The following NRXN3 variants were observed in gnomAD, a reference collection of about 807,000 sequenced individuals.
NRXN3 encodes neurexin III.
A neutral mutation model predicts 137.6 loss-of-function variants in NRXN3; 32 were observed. The observed-to-expected ratio is 0.23, with a 90% CI of 0.18 to 0.31. The LOEUF (loss-of-function observed/expected upper bound fraction) is 0.31. Ranked by LOEUF, NRXN3 falls within the 10% of genes least tolerant of loss-of-function variation. The pLI, the probability that NRXN3 is intolerant of heterozygous loss-of-function variation, is 1.00. For missense variants in NRXN3, 1,574 were observed against 2,062.5 expected (o/e 0.76, Z 4.59); for synonymous variants, 798 against 784.5 (o/e 1.02, Z -0.29).
intron 8 of NRXN3, among the ~76,000 whole-genome samples, chr14:78,781,806 G>A (rs2098770794): frequency 6.6e-6 from 1 of 152,228 alleles, no homozygotes; most frequent in Admixed American, 6.5e-5. Flanking sequence ...CCAGAGATTG[G>A]CATTTGCCTT....
chr14:79,046,200 C>G (rs1160867301), intron 15 of NRXN3, among the ~76,000 whole-genome samples: 2 of 152,178 alleles, frequency 1.3e-5, no homozygotes, highest in African/African-American at 2.4e-5. Context: ...CTTTCCCCTC[C>G]CCTCCTCTCC....
At chr14:78,595,954 C>T (rs61976085) in intron 4 of NRXN3, among the ~76,000 whole-genome samples, 5,861 of 152,190 alleles carry the variant, frequency 0.039, 132 homozygotes, top group Middle Eastern at 0.071. Context: ...TAGCTGCAGA[C>T]GTTTTTCCTT....
At chr14:78,309,052 G>A (rs1282620518) in intron 4 of NRXN3, among the ~76,000 whole-genome samples, 1 of 152,230 alleles carries the variant, frequency 6.6e-6, no homozygotes, top group East Asian at 1.9e-4. Flanking sequence ...TCAAATAGAG[G>A]CTAATGCCTC....
At chr14:79,589,085 T>C (rs1427576433) in intron 16 of NRXN3, among the ~76,000 whole-genome samples, 2 of 152,044 alleles carry the variant, frequency 1.3e-5, no homozygotes, top group Non-Finnish European at 2.9e-5. Flanking sequence ...CGAAACCCAA[T>C]CTCTACAAAA....
intron 8 of NRXN3, among the ~76,000 whole-genome samples, chr14:78,724,952 C>G (rs989217999): frequency 2.6e-5 from 4 of 152,192 alleles, no homozygotes; most frequent in African/African-American, 7.2e-5. Context: ...CTTCTGTGGG[C>G]TACTGGACAG....
chr14:78,938,727 C>T (rs2099346756), intron 10 of NRXN3, among the ~76,000 whole-genome samples: 1 of 151,826 alleles, frequency 6.6e-6, no homozygotes, highest in African/African-American at 2.4e-5. Flanking sequence ...TTTAAACCTT[C>T]TTTTTGAAAT....
At chr14:78,366,155 A>G (rs564404572) in intron 4 of NRXN3, among the ~76,000 whole-genome samples, 1 of 152,316 alleles carries the variant, frequency 6.6e-6, no homozygotes, top group East Asian at 1.9e-4. Context: ...AACATAAAGT[A>G]CTTAGTACAG....
intron 4 of NRXN3, among the ~76,000 whole-genome samples, chr14:78,587,855 C>T (rs758312369): frequency 3.3e-5 from 5 of 151,978 alleles, no homozygotes; most frequent in African/African-American, 4.8e-5. Flanking sequence ...TTTTTTTCAG[C>T]TTCTTTAAAA....
At position 79,865,707 on chromosome 14, in the gene NRXN3, C is replaced by G. The variant is rs540319719; in HGVS notation, c.*3743C>G. On this transcript the variant is annotated 3_prime_UTR_variant, in exon 21 of 21. Coordinates refer to ENST00000335750, the MANE Select transcript of NRXN3 (RefSeq NM_001330195.2). ...GTGGCATGATATTGGCTCACTGCAA[C>G]CTCTGCCTCTCAACCTCAAACGATT... 1.3e-5 allele frequency: 2 copies of G among 152,262 alleles called. No individual in the cohort carries two copies. Among genetic ancestry groups the G allele is most frequent in the Admixed American group, 1.3e-4 (2 of 15,296 alleles). 9.4% of individuals were successfully genotyped at this position (152,262 alleles called of 1,614,324 possible).
At chr14:78,729,243 T>C (rs965960832) in intron 8 of NRXN3, among the ~76,000 whole-genome samples, 1 of 152,238 alleles carries the variant, frequency 6.6e-6, no homozygotes, top group Non-Finnish European at 1.5e-5. Context: ...GTCGCAATGT[T>C]AGCAAATACT....
intron 16 of NRXN3, among the ~76,000 whole-genome samples, chr14:79,636,352 G>A (rs917534900): frequency 6.6e-6 from 1 of 152,002 alleles, no homozygotes; most frequent in Non-Finnish European, 1.5e-5. Flanking sequence ...GAACATTCAG[G>A]GATTTAATTT....
intron 10 of NRXN3, among the ~76,000 whole-genome samples, chr14:78,859,476 C>T (rs2099066644): frequency 6.6e-6 from 1 of 152,154 alleles, no homozygotes; most frequent in Non-Finnish European, 1.5e-5. Flanking sequence ...TCGCAGTTGA[C>T]CTGTATCTTC....
chr14:78,871,398 G>A (rs546635880), intron 10 of NRXN3, among the ~76,000 whole-genome samples: 1 of 151,986 alleles, frequency 6.6e-6, no homozygotes, highest in Admixed American at 6.6e-5. Flanking sequence ...AAGCCAGATT[G>A]TCATCTTTTC....
intron 15 of NRXN3, among the ~76,000 whole-genome samples, chr14:79,344,655 T>A (rs541075203): frequency 1.3e-5 from 2 of 152,172 alleles, no homozygotes; most frequent in Non-Finnish European, 2.9e-5. Flanking sequence ...TGTTTTTAGA[T>A]GTGTAAAAAT....
intron 15 of NRXN3, among the ~76,000 whole-genome samples, chr14:79,148,611 A>T (rs559868547): frequency 5.9e-5 from 9 of 152,260 alleles, no homozygotes; most frequent in African/African-American, 2.2e-4. Context: ...CTTTGTGGAC[A>T]TACTCAGCCT....
At chr14:78,791,384 T>A (rs113807575) in intron 8 of NRXN3, among the ~76,000 whole-genome samples, 20 of 152,208 alleles carry the variant, frequency 1.3e-4, no homozygotes, top group African/African-American at 4.8e-4. Context: ...CAACCCAATG[T>A]CATAAGTCTC....
At position 79,561,589 on chromosome 14, in the gene NRXN3, A is replaced by G. The variant is rs111348242; in HGVS notation, c.3444+94187A>G. On this transcript the variant is annotated intron_variant, in intron 16 of 20. Transcript: ENST00000335750. ...TGATAGAATTTCTCCTTAGTTATAC[A>G]CATTACTGTTATTTTGCTAGTAAGT... Among the ~76,000 whole-genome samples the G allele has an allele frequency of 8.9e-4, 135 of 152,226 alleles. 2 individuals carry two copies. The Middle Eastern group carries it at 0.017, about 19-fold the overall frequency.
chr14:78,596,430 C>T (rs559862388), intron 4 of NRXN3, among the ~76,000 whole-genome samples: 103 of 152,114 alleles, frequency 6.8e-4, no homozygotes, highest in Admixed American at 1.4e-3. Flanking sequence ...GTGGCTTCCC[C>T]ATCTGTAAAA....
Position 79,457,357 on chromosome 14 carries a change from A to G in NRXN3, c.3263-9864A>G, listed in dbSNP as rs145415226. Among the ~76,000 whole-genome samples, 34 of 152,286 alleles carry G rather than the reference A, an allele frequency of 2.2e-4. No individual in the cohort carries two copies. The East Asian group carries it at 5.8e-3, about 26-fold the overall frequency. ...CACCATAAAATGGCAATACTAAACT[A>G]TTTCTAGAACTCTATATAGAGTGCC... is the stretch of plus-strand genomic sequence containing the variant. On this transcript the variant is annotated intron_variant, in intron 15 of 20. Transcript: ENST00000335750.
Sources: allele counts gnomAD v4.1 joint callset (sites outside exome capture counted in the v4.1 genomes callset), GRCh38; gene constraint gnomAD v4.1.1; transcripts MANE v1.5; gene names NCBI Gene and HGNC (gene_info 2026-07-23, HGNC 2026-07-21).